ZDHHC15: variants seen among roughly 807,000 people sequenced by gnomAD.
ZDHHC15 encodes the protein zDHHC palmitoyltransferase 15.
In ZDHHC15, 19 loss-of-function variants were observed where a neutral mutation model predicts 31.7. The observed-to-expected ratio is 0.60, with a 90% CI of 0.42 to 0.88. The LOEUF (loss-of-function observed/expected upper bound fraction) is 0.88, where lower values mean the gene tolerates loss of function less well. ZDHHC15 is among the 40% of genes least tolerant of loss of function. The pLI, the probability that ZDHHC15 is intolerant of heterozygous loss-of-function variation, is 0.00. For missense variants in ZDHHC15, 209 were observed against 251.2 expected, an observed-to-expected ratio of 0.83 and a Z score of 1.14; for synonymous variants, 103 against 90.0, an observed-to-expected ratio of 1.14 and a Z score of -0.82.
At chrX:75,412,052 T>C (rs1047279457) in intron 10 of ZDHHC15, among the ~76,000 whole-genome samples, 3 of 111,870 alleles carry the variant, frequency 2.7e-5, no homozygotes, top group Non-Finnish European at 5.6e-5. Context: ...TTTATGGAAA[T>C]GCAAATCAAA....
intron 2 of ZDHHC15, 64 bp downstream of exon 2, chrX:75,505,757 T>G: frequency 8.5e-7 from 1 of 1,177,955 alleles, no homozygotes; most frequent in Non-Finnish European, 1.1e-6. Flanking sequence ...GCTTTTATGT[T>G]ATTTACTTTT....
chrX:75,444,619 A>G (rs2084000527), intron 4 of ZDHHC15, among the ~76,000 whole-genome samples: 1 of 89,958 alleles, frequency 1.1e-5, no homozygotes, highest in African/African-American at 4.2e-5. Context: ...AAGTATAATA[A>G]AAAAAGAAAA....
chrX:75,416,632 C>T (rs1479511341), intron 10 of ZDHHC15, among the ~76,000 whole-genome samples: 2 of 111,838 alleles, frequency 1.8e-5, no homozygotes, highest in Admixed American at 1.9e-4. Flanking sequence ...CATGTGTAGG[C>T]TTGCCCCATT....
At chrX:75,396,265 C>T (rs1363080139) in intron 10 of ZDHHC15, among the ~76,000 whole-genome samples, 1 of 111,658 alleles carries the variant, frequency 9.0e-6, no homozygotes, top group Non-Finnish European at 1.9e-5. Flanking sequence ...GGATTAATAA[C>T]CAGAATACAT....
At chrX:75,410,155 A>G (rs1167805966) in intron 10 of ZDHHC15, among the ~76,000 whole-genome samples, 1 of 111,690 alleles carries the variant, frequency 9.0e-6, no homozygotes, top group Non-Finnish European at 1.9e-5. Context: ...TTTGGGGGAA[A>G]TGCTCCAGGA....
At chrX:75,432,281 T>C (rs1012060669) in intron 4 of ZDHHC15, among the ~76,000 whole-genome samples, 1 of 111,718 alleles carries the variant, frequency 9.0e-6, no homozygotes, top group Non-Finnish European at 1.9e-5. Context: ...TAGATGTTCA[T>C]TGATAGAGTA....
rs2083227150 is a variant in ZDHHC15 at position 75,390,277 on chromosome X, C to T, written c.968-11079G>A. On this transcript the variant is annotated intron_variant, in intron 10 of 11. Transcript: ENST00000373367. ...ATGGCATCTCTGGAACTGCCTGGAACCTGGGGGAATTCGCCACCCAGAAGG... is the reference window on the plus strand; with the variant it reads ...ATGGCATCTCTGGAACTGCCTGGAATCTGGGGGAATTCGCCACCCAGAAGG... Among the ~76,000 whole-genome samples the T allele has an allele frequency of 2.7e-5, 3 of 112,147 alleles. No homozygotes were observed. The Admixed American group carries it at 2.8e-4, about 11-fold the overall frequency.
rs753919669 is a variant in ZDHHC15, at chrX:75,452,560, C to A, written c.259-1638G>T. Reference sequence around the variant, plus strand: ...AGACCTAATAGACATCCACAGAACTCTCCACCCCAAATCCACAGAATATAC... The same window carrying A: ...AGACCTAATAGACATCCACAGAACTATCCACCCCAAATCCACAGAATATAC... On this transcript the variant is annotated intron_variant, in intron 3 of 11. Transcript: ENST00000373367. 5.4e-5 allele frequency among the ~76,000 whole-genome samples: 6 copies of A among 111,792 alleles called. No homozygotes were observed. In the East Asian group the frequency reaches 1.7e-3, roughly 31 times the overall value.
intron 10 of ZDHHC15, among the ~76,000 whole-genome samples, chrX:75,415,957 C>G (rs1467501067): frequency 1.8e-5 from 2 of 111,550 alleles, no homozygotes; most frequent in Admixed American, 1.9e-4. Flanking sequence ...GGTTTAATAC[C>G]AAAATAAGAG....
intron 3 of ZDHHC15, among the ~76,000 whole-genome samples, chrX:75,476,776 C>A (rs985479985): frequency 9.4e-6 from 1 of 105,862 alleles, no homozygotes; most frequent in Non-Finnish European, 1.9e-5. Context: ...CTTCTCTTCC[C>A]TCCTTCTCTC....
chrX:75,481,071 T>C (rs758099894), intron 2 of ZDHHC15, among the ~76,000 whole-genome samples: 1 of 111,545 alleles, frequency 9.0e-6, no homozygotes, highest in Non-Finnish European at 1.9e-5. Flanking sequence ...TGAAGTGTTA[T>C]CATACTTTTT....
chrX:75,508,186 T>A lies in ZDHHC15; in HGVS notation c.137-2339A>T, dbSNP rs187949512. Among the ~76,000 whole-genome samples the A allele has an allele frequency of 9.6e-3, 1,065 of 110,422 alleles. 8 individuals carry two copies. Among genetic ancestry groups the A allele is most frequent in the Non-Finnish European group, 0.015 (787 of 52,742 alleles). ...TATACTTTAAGTTCTAGGGTACATG[T>A]GCACAACATGCAGGTTCATTGCAGA... On this transcript the variant is annotated intron_variant, in intron 1 of 11. Coordinates refer to ENST00000373367, the MANE Select transcript of ZDHHC15 (RefSeq NM_144969.3).
chrX:75,375,832 C>A (rs2083054037), intron 11 of ZDHHC15, among the ~76,000 whole-genome samples: 1 of 111,779 alleles, frequency 8.9e-6, no homozygotes, highest in Non-Finnish European at 1.9e-5. Flanking sequence ...AGGTTGATTG[C>A]ATGTCTTTGC....
intron 8 of ZDHHC15, among the ~76,000 whole-genome samples, chrX:75,423,308 C>A (rs773577569): frequency 9.2e-6 from 1 of 108,316 alleles, no homozygotes; most frequent in African/African-American, 3.4e-5. Context: ...AAGCATAGTA[C>A]CCGAGTGAAT....
intron 3 of ZDHHC15, among the ~76,000 whole-genome samples, chrX:75,458,735 C>A (rs1184524062): frequency 9.2e-6 from 1 of 109,245 alleles, no homozygotes; most frequent in Non-Finnish European, 1.9e-5. Context: ...GCTAAAGATT[C>A]TCCAATGAAC....
chrX:75,437,723 T>C (rs1477118926), intron 4 of ZDHHC15, among the ~76,000 whole-genome samples: 1 of 108,150 alleles, frequency 9.2e-6, no homozygotes, highest in African/African-American at 3.4e-5. Context: ...TCTTTGCTAT[T>C]GTGAATAATG....
At chrX:75,447,825 G>T (rs2147902299) in intron 4 of ZDHHC15, among the ~76,000 whole-genome samples, 1 of 112,123 alleles carries the variant, frequency 8.9e-6, no homozygotes, top group South Asian at 3.8e-4. Flanking sequence ...CATTGAACTG[G>T]AAGTTAAGAC....
At chrX:75,394,319 C>A (rs1331593217) in intron 10 of ZDHHC15, among the ~76,000 whole-genome samples, 1 of 108,692 alleles carries the variant, frequency 9.2e-6, no homozygotes, top group Admixed American at 9.8e-5. Flanking sequence ...AACAAAAACC[C>A]ATGAAACAAC....
chrX:75,518,650 A>C (rs2085396213), intron 1 of ZDHHC15, among the ~76,000 whole-genome samples: 1 of 105,568 alleles, frequency 9.5e-6, no homozygotes, highest in Non-Finnish European at 1.9e-5. Flanking sequence ...TATATACTCA[A>C]AATAATTGAA....
Sources: gnomAD v4.1 joint callset for allele counts (sites outside exome capture counted in the v4.1 genomes callset) on GRCh38, gnomAD v4.1.1 for gene constraint, MANE v1.5 for transcripts, NCBI Gene and HGNC (gene_info 2026-07-23, HGNC 2026-07-21) for gene names.